The following ROBO2 variants were observed in gnomAD, a reference collection of about 807,000 sequenced individuals.
The protein encoded by ROBO2 is roundabout homolog 2.
A neutral mutation model predicts 160.8 loss-of-function variants in ROBO2; 53 were observed. That is an observed-to-expected ratio of 0.33 (90% CI 0.26 to 0.41). The LOEUF (loss-of-function observed/expected upper bound fraction) is 0.41, where lower values mean the gene tolerates loss of function less well. Ranked by LOEUF, ROBO2 falls within the 10% of genes least tolerant of loss-of-function variation. The probability of loss-of-function intolerance (pLI) is 1.00; values close to 1 mark genes in which losing one functional copy is unlikely to be tolerated. For missense variants in ROBO2, 1,577 were observed against 1,722.4 expected, an observed-to-expected ratio of 0.92 and a Z score of 1.49; for synonymous variants, 664 against 611.7, an observed-to-expected ratio of 1.09 and a Z score of -1.26.
intron 24 of ROBO2, among the ~76,000 whole-genome samples, chr3:77,640,307 G>T (rs535496343): frequency 4.6e-4 from 70 of 152,106 alleles, no homozygotes; most frequent in Middle Eastern, 3.4e-3. Flanking sequence ...TAGAGACGGG[G>T]TTTCACTGTG....
chr3:76,192,374 T>C (rs924373251), intron 2 of ROBO2, among the ~76,000 whole-genome samples: 9 of 152,100 alleles, frequency 5.9e-5, no homozygotes, highest in Non-Finnish European at 1.0e-4. Context: ...AAACCTTTCC[T>C]TTCAAGCTTA....
At chr3:77,470,263 A>G (rs2083220225) in intron 2 of ROBO2, among the ~76,000 whole-genome samples, 1 of 152,244 alleles carries the variant, frequency 6.6e-6, no homozygotes, top group African/African-American at 2.4e-5. Context: ...ACATGATCAC[A>G]TTTGCATTTT....
At chr3:77,591,564 A>G (rs1034219790) in intron 17 of ROBO2, among the ~76,000 whole-genome samples, 4 of 152,206 alleles carry the variant, frequency 2.6e-5, no homozygotes, top group Non-Finnish European at 5.9e-5. Context: ...GCAATTCAAA[A>G]ACATTTTAAA....
intron 2 of ROBO2, among the ~76,000 whole-genome samples, chr3:76,499,560 G>A (rs1308582230): frequency 6.6e-6 from 1 of 152,136 alleles, no homozygotes; most frequent in Non-Finnish European, 1.5e-5. Flanking sequence ...GAAATCAACT[G>A]TAGGCTTTGA....
At chr3:76,019,731 CCA>C (rs1416675614) in intron 2 of ROBO2, among the ~76,000 whole-genome samples, 1 of 151,086 alleles carries the variant, frequency 6.6e-6, no homozygotes, top group East Asian at 2.0e-4. Flanking sequence ...CTCTGAAGTT[CCA>C]TGTGTATCTG....
chr3:77,388,313 C>G (rs140474523), intron 2 of ROBO2, among the ~76,000 whole-genome samples: 1,679 of 152,236 alleles, frequency 0.011, 20 homozygotes, highest in East Asian at 0.015. Context: ...ACTCAGGAGG[C>G]TGGGGCTGGA....
At chr3:76,717,868 C>T (rs552657298) in intron 2 of ROBO2, among the ~76,000 whole-genome samples, 3 of 150,144 alleles carry the variant, frequency 2.0e-5, no homozygotes, top group African/African-American at 7.6e-5. Context: ...TTTTTAATCT[C>T]CCACCACAAT....
At chr3:77,581,895 T>C (rs1204723636) in intron 16 of ROBO2, among the ~76,000 whole-genome samples, 1 of 152,276 alleles carries the variant, frequency 6.6e-6, no homozygotes, top group East Asian at 1.9e-4. Context: ...ATCTATAAGT[T>C]TGTGTTTCAT....
At chr3:76,663,733 T>G (rs981648351) in intron 2 of ROBO2, among the ~76,000 whole-genome samples, 1 of 152,006 alleles carries the variant, frequency 6.6e-6, no homozygotes, top group Non-Finnish European at 1.5e-5. Flanking sequence ...AGGACCTAAT[T>G]GTGTAAAGCA....
intron 2 of ROBO2, among the ~76,000 whole-genome samples, chr3:76,329,889 C>T (rs893366332): frequency 6.6e-6 from 1 of 152,130 alleles, no homozygotes; most frequent in African/African-American, 2.4e-5. Context: ...CTTAAAGAAG[C>T]CTTGATACTT....
At chr3:77,412,977 G>A (rs573039293) in intron 2 of ROBO2, among the ~76,000 whole-genome samples, 2 of 152,164 alleles carry the variant, frequency 1.3e-5, no homozygotes, top group Non-Finnish European at 2.9e-5. Context: ...AGCGCTTTGG[G>A]AGCCTGAGGC....
intron 2 of ROBO2, among the ~76,000 whole-genome samples, chr3:76,384,974 G>A (rs187555806): frequency 1.0e-3 from 158 of 152,232 alleles, no homozygotes; most frequent in African/African-American, 3.5e-3. Context: ...TATTTTGTCC[G>A]CAAAGTGTCT....
At chr3:77,210,302 C>CA (rs1560241781) in intron 2 of ROBO2, among the ~76,000 whole-genome samples, 2 of 151,698 alleles carry the variant, frequency 1.3e-5, no homozygotes, top group African/African-American at 2.4e-5. Context: ...AAATTATGTT[C>CA]AAAAATGTAT....
At chr3:77,072,097 G>A (rs752927957) in intron 1 of ROBO2, among the ~76,000 whole-genome samples, 2 of 152,014 alleles carry the variant, frequency 1.3e-5, no homozygotes, top group African/African-American at 2.4e-5. Flanking sequence ...ATCAGCAGTT[G>A]CGTTAGATTC....
rs562993752 is a variant in ROBO2, at chr3:76,940,223, C to A, written c.110-157791C>A. 2.6e-5 allele frequency among the ~76,000 whole-genome samples: 4 copies of A among 152,194 alleles called. No individual in the cohort carries two copies. The South Asian group carries it at 8.3e-4, about 32-fold the overall frequency. Reference sequence around the variant, plus strand: ...GGTCTCGATCTCTTGACCTCGTGATCCGCCTGCCTCGGCCTCCCAAAATGC... The same window carrying A: ...GGTCTCGATCTCTTGACCTCGTGATACGCCTGCCTCGGCCTCCCAAAATGC... On this transcript the variant is annotated intron_variant, in intron 2 of 26. Coordinates refer to the ROBO2 transcript ENST00000487694.
At position 77,325,961 on chromosome 3, in the gene ROBO2, T is replaced by A. The variant is rs191794487; in HGVS notation, c.389-151453T>A. On this transcript the variant is annotated intron_variant, in intron 2 of 25. Coordinates refer to ENST00000461745, the Ensembl canonical transcript of ROBO2. ...ATGGTTTTTCCCATGGAATTGAAGA[T>A]CCTAGATTCATAGAATTCTTTCCTT... Among the ~76,000 whole-genome samples the A allele has an allele frequency of 1.8e-4, 27 of 152,338 alleles. No individual in the cohort carries two copies. In the East Asian group the frequency reaches 5.0e-3, roughly 28 times the overall value.
At chr3:77,212,007 G>T (rs141292929) in intron 2 of ROBO2, among the ~76,000 whole-genome samples, 1 of 152,104 alleles carries the variant, frequency 6.6e-6, no homozygotes, top group African/African-American at 2.4e-5. Context: ...GTCAGGTAGC[G>T]TGATGCCTCC....
chr3:75,986,576 T>A (rs1342612361), intron 2 of ROBO2, among the ~76,000 whole-genome samples: 9 of 151,692 alleles, frequency 5.9e-5, no homozygotes, highest in Non-Finnish European at 1.0e-4. Context: ...TTTTTTCTCT[T>A]GTTGCCTGTG....
intron 2 of ROBO2, among the ~76,000 whole-genome samples, chr3:76,850,820 A>T (rs2069270039): frequency 6.6e-6 from 1 of 152,172 alleles, no homozygotes; most frequent in Non-Finnish European, 1.5e-5. Context: ...ATTTTAGGAT[A>T]TTATGGCAAA....
Sources: allele counts gnomAD v4.1 joint callset (sites outside exome capture counted in the v4.1 genomes callset), GRCh38; gene constraint gnomAD v4.1.1; transcripts MANE v1.5; gene names NCBI Gene and HGNC (gene_info 2026-07-23, HGNC 2026-07-21).